PTPRD: variants seen among roughly 807,000 people sequenced by gnomAD.
PTPRD encodes receptor-type tyrosine-protein phosphatase delta.
Under a neutral mutation model 214.5 loss-of-function variants are expected in PTPRD, and 34 were observed. The ratio of observed to expected loss-of-function variants is 0.16; its 90% CI spans 0.12 to 0.21. The LOEUF is 0.21. PTPRD is among the 10% of genes least tolerant of loss of function. The pLI, the probability that PTPRD is intolerant of heterozygous loss-of-function variation, is 1.00. For missense variants in PTPRD, 2,545 were observed against 2,398.7 expected (o/e 1.06, Z -1.27); for synonymous variants, 1,128 against 845.7 (o/e 1.33, Z -5.79).
chr9:9,327,797 A>G (rs1454094527), intron 9 of PTPRD, among the ~76,000 whole-genome samples: 1 of 152,070 alleles, frequency 6.6e-6, no homozygotes, highest in East Asian at 1.9e-4. Flanking sequence ...GTATGATAGC[A>G]TGTACATCAC....
chr9:8,524,804 G>C lies in PTPRD; in HGVS notation c.679+121C>G, dbSNP rs1212653909. The C allele has an allele frequency of 7.2e-6, 6 of 836,560 alleles. No homozygotes were observed. In the East Asian group the frequency reaches 1.4e-4, roughly 20 times the overall value. 51.8% of individuals were successfully genotyped at this position (836,560 alleles called of 1,614,324 possible). A position where few individuals can be genotyped will look rare whatever the true frequency, so the allele number is the denominator to read the frequency against. On this transcript the variant is annotated intron_variant, in intron 18 of 45. Transcript: ENST00000381196. ...CTTTTCTATTTACTAACATGTTTCAGCTACGGTCACTATTACCAAACCAGC... is the reference window on the plus strand; with the variant it reads ...CTTTTCTATTTACTAACATGTTTCACCTACGGTCACTATTACCAAACCAGC...
intron 35 of PTPRD, among the ~76,000 whole-genome samples, chr9:8,407,583 C>A (rs1875239): frequency 6.6e-6 from 1 of 152,090 alleles, no homozygotes; most frequent in African/African-American, 2.4e-5. Context: ...AAGAAACACA[C>A]CTACACATCA....
At chr9:10,289,129 A>G (rs894891726) in intron 3 of PTPRD, among the ~76,000 whole-genome samples, 2 of 151,978 alleles carry the variant, frequency 1.3e-5, no homozygotes, top group African/African-American at 4.8e-5. Context: ...TGAGTATAAG[A>G]GTCTATGCTA....
At chr9:8,925,858 A>ATTTTTTTTTTTTTTTTTTTT (rs33971552) in intron 11 of PTPRD, among the ~76,000 whole-genome samples, 1 of 120,172 alleles carries the variant, frequency 8.3e-6, no homozygotes, top group African/African-American at 3.0e-5. Flanking sequence ...CTATTGCAAT[A>ATTTTTTTTTTTTTTTTTTTT]TTTTTTTTTT....
chr9:9,584,182 G>A (rs1001852516), intron 7 of PTPRD, among the ~76,000 whole-genome samples: 9 of 151,692 alleles, frequency 5.9e-5, no homozygotes, highest in South Asian at 2.1e-4. Flanking sequence ...CCTAAGCCAC[G>A]GTTTGTTTAT....
intron 3 of PTPRD, among the ~76,000 whole-genome samples, chr9:10,269,270 C>A (rs2094283428): frequency 6.6e-6 from 1 of 152,046 alleles, no homozygotes; most frequent in Non-Finnish European, 1.5e-5. Context: ...CTATTTGATC[C>A]ACGTAAGAGG....
chr9:10,359,412 T>A (rs2097336092), intron 2 of PTPRD, among the ~76,000 whole-genome samples: 1 of 152,098 alleles, frequency 6.6e-6, no homozygotes, highest in African/African-American at 2.4e-5. Flanking sequence ...AAGTTGTTTC[T>A]TCTGTTAATT....
chr9:9,106,927 G>A (rs1162197638), intron 10 of PTPRD, among the ~76,000 whole-genome samples: 1 of 152,092 alleles, frequency 6.6e-6, no homozygotes, highest in Non-Finnish European at 1.5e-5. Flanking sequence ...CCTTCTATGG[G>A]AGATCAGTTG....
intron 43 of PTPRD, among the ~76,000 whole-genome samples, chr9:8,337,330 C>T (rs1588022213): frequency 6.6e-6 from 1 of 152,090 alleles, no homozygotes. Context: ...AAGCTGGAAA[C>T]CATCATTCTC....
rs576238850 is a variant in PTPRD, at chr9:10,573,232, C to T, written c.-600+39166G>A. ...GAATTAATCTTATTTTATATCTGTA[C>T]ATTTTGATGTTTTTTTACTTTATCA... On this transcript the variant is annotated intron_variant, in intron 2 of 45. Transcript: ENST00000381196. 1.4e-4 allele frequency among the ~76,000 whole-genome samples: 21 copies of T among 152,228 alleles called. No individual in the cohort carries two copies. In the South Asian group the frequency reaches 3.9e-3, roughly 29 times the overall value.
At chr9:9,119,875 A>G (rs575089286) in intron 10 of PTPRD, among the ~76,000 whole-genome samples, 27 of 151,832 alleles carry the variant, frequency 1.8e-4, no homozygotes, top group African/African-American at 6.3e-4. Context: ...ATGACTACAC[A>G]TGAAAGTGTA....
intron 8 of PTPRD, among the ~76,000 whole-genome samples, chr9:9,474,531 C>T (rs2094879452): frequency 6.6e-6 from 1 of 151,980 alleles, no homozygotes; most frequent in Non-Finnish European, 1.5e-5. Flanking sequence ...TTGCTTTGGT[C>T]GTTACGGTAA....
intron 14 of PTPRD, among the ~76,000 whole-genome samples, chr9:8,529,898 G>T (rs1433219821): frequency 6.6e-6 from 1 of 152,076 alleles, no homozygotes; most frequent in Non-Finnish European, 1.5e-5. Flanking sequence ...CCATTAACTC[G>T]TGATCATGAA....
intron 39 of PTPRD, among the ~76,000 whole-genome samples, chr9:8,367,405 AG>A (rs2080220258): frequency 6.6e-6 from 1 of 152,102 alleles, no homozygotes; most frequent in South Asian, 2.1e-4. Context: ...ATGTGGGGGA[AG>A]GGAGGTGAGG....
chr9:9,954,551 T>A (rs1427949901), intron 4 of PTPRD, among the ~76,000 whole-genome samples: 1 of 139,064 alleles, frequency 7.2e-6, no homozygotes, highest in African/African-American at 2.5e-5. Flanking sequence ...AACAAGAATA[T>A]AAAATAATGC....
chr9:8,613,101 A>G (rs1025868723), intron 14 of PTPRD, among the ~76,000 whole-genome samples: 1 of 152,204 alleles, frequency 6.6e-6, no homozygotes, highest in African/African-American at 2.4e-5. Context: ...TTTTACTTAT[A>G]TTTGGTGTGC....
intron 2 of PTPRD, among the ~76,000 whole-genome samples, chr9:10,439,279 A>C (rs2098743191): frequency 6.6e-6 from 1 of 151,814 alleles, no homozygotes; most frequent in Admixed American, 6.6e-5. Context: ...AGGGAGAAAA[A>C]GGATGCCCCA....
At chr9:9,509,424 G>A (rs1209210666) in intron 8 of PTPRD, among the ~76,000 whole-genome samples, 1 of 151,180 alleles carries the variant, frequency 6.6e-6, no homozygotes, top group Non-Finnish European at 1.5e-5. Context: ...ATAGTGTCAA[G>A]GAACTGAAAC....
intron 2 of PTPRD, among the ~76,000 whole-genome samples, chr9:10,493,254 T>C (rs1284003184): frequency 6.6e-6 from 1 of 151,900 alleles, no homozygotes; most frequent in Non-Finnish European, 1.5e-5. Context: ...ACTACACTAA[T>C]TTCACATGGA....
Sources: allele counts gnomAD v4.1 joint callset (sites outside exome capture counted in the v4.1 genomes callset), GRCh38; gene constraint gnomAD v4.1.1; transcripts MANE v1.5; gene names NCBI Gene and HGNC (gene_info 2026-07-23, HGNC 2026-07-21).